The following COL22A1 variants were observed in gnomAD, a reference collection of about 807,000 sequenced individuals.
COL22A1 encodes collagen type XXII alpha 1 chain.
In COL22A1, 221 loss-of-function variants were observed where a neutral mutation model predicts 248.9. The observed-to-expected ratio is 0.89, with a 90% CI of 0.80 to 0.99. The LOEUF (loss-of-function observed/expected upper bound fraction) is 0.99. COL22A1 is among the 50% of genes least tolerant of loss of function. The pLI is 0.00. For synonymous variants in COL22A1, 891 were observed against 793.4 expected (o/e 1.12, Z -2.07); for missense variants, 2,240 against 2,179.0 (o/e 1.03, Z -0.56).
Position 138,679,068 on chromosome 8 carries a change from C to T in COL22A1, c.3072+549G>A, listed in dbSNP as rs186467736. 2.6e-5 allele frequency among the ~76,000 whole-genome samples: 4 copies of T among 152,178 alleles called. No homozygotes were observed. In the East Asian group the frequency reaches 7.7e-4, roughly 29 times the overall value. ...CATAGCTGGGACTACAGATGTGAAC[C>T]ACCACACCTGCCTAATTTTTGACAT... On this transcript the variant is annotated intron_variant, in intron 40 of 64. Coordinates refer to ENST00000303045, the MANE Select transcript of COL22A1 (RefSeq NM_152888.3).
At position 138,738,540 on chromosome 8, in the gene COL22A1, C is replaced by T. The variant is rs73719344; in HGVS notation, c.2086-963G>A. Among the ~76,000 whole-genome samples the T allele has an allele frequency of 4.6e-3, 707 of 152,204 alleles. 9 individuals carry two copies. The highest frequency in any genetic ancestry group is 0.015 in the African/African-American group (611 of 41,518). Reference sequence around the variant, plus strand: ...TTCACGGCAAACTCTCTTTCTAGTTCTTCCCACCTGATCCTTTCCTAATTT... The same window carrying T: ...TTCACGGCAAACTCTCTTTCTAGTTTTTCCCACCTGATCCTTTCCTAATTT... On this transcript the variant is annotated intron_variant, in intron 22 of 64. Coordinates refer to ENST00000303045, the MANE Select transcript of COL22A1 (RefSeq NM_152888.3).
chr8:138,800,714 C>T (rs1422655109), intron 11 of COL22A1, among the ~76,000 whole-genome samples: 1 of 152,144 alleles, frequency 6.6e-6, no homozygotes, highest in African/African-American at 2.4e-5. Flanking sequence ...TTCAGAGCTC[C>T]AGAGTACAAC....
intron 45 of COL22A1, among the ~76,000 whole-genome samples, chr8:138,652,946 C>T (rs1822892133): frequency 6.6e-6 from 1 of 151,758 alleles, no homozygotes; most frequent in Admixed American, 6.6e-5. Context: ...GGGGTTTTCC[C>T]AAGTTGGCCA....
chr8:138,821,983 A>G lies in COL22A1; in HGVS notation c.970-572T>C, dbSNP rs546344450. Among the ~76,000 whole-genome samples the G allele has an allele frequency of 3.4e-4, 52 of 152,320 alleles. No individual in the cohort carries two copies. In the South Asian group the frequency reaches 0.011, roughly 32 times the overall value. ...GGTAGCCTTCGGAAAATGCACAGGC[A>G]TTTTGGAATGGGCAAATTCTGGAGA... On this transcript the variant is annotated intron_variant, in intron 6 of 64. Transcript: ENST00000303045.
chr8:138,754,359 T>C (rs979250099), intron 21 of COL22A1, among the ~76,000 whole-genome samples: 3 of 152,362 alleles, frequency 2.0e-5, no homozygotes, highest in African/African-American at 7.2e-5. Flanking sequence ...AAAATTGTTC[T>C]AATTTTCCTA....
At chr8:138,624,257 T>C (rs1820069915) in intron 51 of COL22A1, among the ~76,000 whole-genome samples, 2 of 152,142 alleles carry the variant, frequency 1.3e-5, no homozygotes, top group African/African-American at 4.8e-5. Flanking sequence ...GCTCAGTGAA[T>C]GACAGCAAGG....
chr8:138,740,994 T>G (rs1257279428), intron 22 of COL22A1, among the ~76,000 whole-genome samples: 2 of 152,208 alleles, frequency 1.3e-5, no homozygotes, highest in African/African-American at 2.4e-5. Flanking sequence ...GCATCTGAGC[T>G]GTTTGATTTG....
In COL22A1 at chr8:138,591,493, C is replaced by T. The variant is rs1179669089; in HGVS notation, c.4624G>A (p.Gly1542Arg). ...GGTGCACCTGGGTCACCTTTGGCTC[C>T]TCGCTCACCTGGGAAGAAAAACATG... ...SGPIGPKGER[G>R]AKGDPGAPGV... The change falls in exon 64 of 65, where the codon GGA (glycine) becomes AGA (arginine). Residue 1542 changes from glycine to arginine, a missense_variant. Coordinates refer to ENST00000303045, the MANE Select transcript of COL22A1 (RefSeq NM_152888.3). 2 of 1,548,396 alleles carry T rather than the reference C, an allele frequency of 1.3e-6. No homozygotes were observed. Among genetic ancestry groups the T allele is most frequent in the Non-Finnish European group, 1.7e-6 (2 of 1,145,152 alleles).
intron 22 of COL22A1, among the ~76,000 whole-genome samples, chr8:138,745,279 G>A (rs911237187): frequency 7.9e-5 from 12 of 151,940 alleles, no homozygotes; most frequent in Admixed American, 1.3e-4. Flanking sequence ...AAGGCAGGGC[G>A]TAAGAAGGGA....
rs1260645719 is a variant in COL22A1 at position 138,616,994 on chromosome 8, G to C, written c.3826-36C>G. 4 of 1,613,192 alleles carry C rather than the reference G, an allele frequency of 2.5e-6. No homozygotes were observed. In the African/African-American group the frequency reaches 4.0e-5, roughly 16 times the overall value. ...GAGAATGGAGTTATTCCATGATAGAGCAGGCTCTTGGGGCAGAAGTGGGCA... is the reference window on the plus strand; with the variant it reads ...GAGAATGGAGTTATTCCATGATAGACCAGGCTCTTGGGGCAGAAGTGGGCA... On this transcript the variant is annotated intron_variant, in intron 53 of 64. Transcript: ENST00000303045.
At chr8:138,804,319 T>C (rs528800268) in intron 10 of COL22A1, among the ~76,000 whole-genome samples, 1 of 152,250 alleles carries the variant, frequency 6.6e-6, no homozygotes. Flanking sequence ...AGGACCACGA[T>C]TGCAAGTGAG....
At chr8:138,768,402 T>C (rs1834080471) in intron 16 of COL22A1, among the ~76,000 whole-genome samples, 1 of 152,000 alleles carries the variant, frequency 6.6e-6, no homozygotes, top group Non-Finnish European at 1.5e-5. Context: ...TCCATTCTCC[T>C]CTCCGCCAAC....
In COL22A1 at chr8:138,813,527, T is replaced by A. The variant is rs553757318; in HGVS notation, c.1246-508A>T. Among the ~76,000 whole-genome samples the A allele has an allele frequency of 7.6e-4, 116 of 152,304 alleles. 1 individual carries two copies. The Middle Eastern group carries it at 0.017, about 22-fold the overall frequency. Reference sequence around the variant, plus strand: ...AATTAAATCTCTTTCCTTTATAAATTACTCAGTCTTGAGTATGTCGTTATT... The same window carrying A: ...AATTAAATCTCTTTCCTTTATAAATAACTCAGTCTTGAGTATGTCGTTATT... On this transcript the variant is annotated intron_variant, in intron 7 of 64. Transcript: ENST00000303045.
intron 3 of COL22A1, among the ~76,000 whole-genome samples, chr8:138,870,732 A>C (rs1434198163): frequency 1.3e-5 from 2 of 150,990 alleles, no homozygotes; most frequent in Non-Finnish European, 2.9e-5. Flanking sequence ...TGTGGTGTGC[A>C]TAGTGTTTGT....
intron 60 of COL22A1, among the ~76,000 whole-genome samples, chr8:138,601,503 C>T (rs953000597): frequency 9.9e-5 from 15 of 152,078 alleles, no homozygotes; most frequent in African/African-American, 2.7e-4. Flanking sequence ...GCTGACCAAA[C>T]GCAGGATTGT....
intron 23 of COL22A1, among the ~76,000 whole-genome samples, chr8:138,725,752 G>GACACACACACACAC (rs66497386): frequency 2.0e-5 from 3 of 148,578 alleles, no homozygotes; most frequent in South Asian, 2.2e-4. Flanking sequence ...CACATGTGCA[G>GACACACACACACAC]ACACACACAC....
chr8:138,900,252 C>T (rs572329163), intron 1 of COL22A1, among the ~76,000 whole-genome samples: 3 of 152,270 alleles, frequency 2.0e-5, no homozygotes, highest in African/African-American at 7.2e-5. Flanking sequence ...TGATCAGGTG[C>T]CTTGCAGGTG....
chr8:138,792,887 G>A (rs1816188793), intron 12 of COL22A1, among the ~76,000 whole-genome samples: 1 of 152,202 alleles, frequency 6.6e-6, no homozygotes, highest in African/African-American at 2.4e-5. Context: ...ATCAGTGATT[G>A]TGTTTCCTGG....
At chr8:138,845,127 G>A (rs1214242079) in intron 3 of COL22A1, among the ~76,000 whole-genome samples, 1 of 152,048 alleles carries the variant, frequency 6.6e-6, no homozygotes, top group East Asian at 1.9e-4. Flanking sequence ...GTAAAACTCA[G>A]TTATACAAAA....
Sources: gnomAD v4.1 joint callset for allele counts (sites outside exome capture counted in the v4.1 genomes callset) on GRCh38, gnomAD v4.1.1 for gene constraint, MANE v1.5 for transcripts, NCBI Gene and HGNC (gene_info 2026-07-23, HGNC 2026-07-21) for gene names.